The following CRYBG3 variants were observed in gnomAD, a reference collection of about 807,000 sequenced individuals.
CRYBG3 encodes the protein crystallin beta-gamma domain containing 3, also known as very large A-kinase anchor protein.
Under a neutral mutation model 244.2 loss-of-function variants are expected in CRYBG3, and 127 were observed. The ratio of observed to expected loss-of-function variants is 0.52; its 90% CI spans 0.45 to 0.60. The LOEUF (loss-of-function observed/expected upper bound fraction) is 0.60. CRYBG3 is among the 20% of genes least tolerant of loss of function. The probability of loss-of-function intolerance (pLI) is 0.00; values close to 1 mark genes in which losing one functional copy is unlikely to be tolerated. For synonymous variants in CRYBG3, 1,132 were observed against 1,195.8 expected, an observed-to-expected ratio of 0.95 and a Z score of 1.10; for missense variants, 3,325 against 3,442.5, an observed-to-expected ratio of 0.97 and a Z score of 0.85.
intron 1 of CRYBG3, among the ~76,000 whole-genome samples, chr3:97,826,325 GTTGCAAAGGTACCACAAA>G (rs2038575884): frequency 6.6e-6 from 1 of 152,154 alleles, no homozygotes; most frequent in African/African-American, 2.4e-5. Flanking sequence ...AAGTGTTAAA[GTTGCAAAGGTACCACAAA>G]TTGACCTGCA....
rs772572772 is a variant in CRYBG3 at position 97,915,772 on chromosome 3, T to G, written c.8241+36T>G. ...TGCAAAATGCATACTTATAAGATTC[T>G]TTTTCTTGTCCAGTTTAATTACCAC... On this transcript the variant is annotated intron_variant, in intron 17 of 21. Coordinates refer to ENST00000389622, the MANE Select transcript of CRYBG3 (RefSeq NM_153605.4). The G allele has an allele frequency of 3.3e-6, 5 of 1,531,368 alleles. No individual in the cohort carries two copies. The African/African-American group carries it at 6.8e-5, about 21-fold the overall frequency. 94.9% of individuals were successfully genotyped at this position (1,531,368 alleles called of 1,614,324 possible).
chr3:97,862,800 T>C (rs1034263227), intron 2 of CRYBG3, among the ~76,000 whole-genome samples: 3 of 152,060 alleles, frequency 2.0e-5, no homozygotes, highest in African/African-American at 7.2e-5. Context: ...ACATTCTAAA[T>C]GTAGAGGCTC....
chr3:97,841,397 T>C (rs2108169318), intron 1 of CRYBG3, among the ~76,000 whole-genome samples: 2 of 151,990 alleles, frequency 1.3e-5, no homozygotes, highest in South Asian at 4.1e-4. Flanking sequence ...AGGATCTGTT[T>C]AGCGGTATCC....
chr3:97,857,781 A>G (rs1179704700), intron 2 of CRYBG3, among the ~76,000 whole-genome samples: 5 of 152,000 alleles, frequency 3.3e-5, no homozygotes, highest in Non-Finnish European at 7.4e-5. Flanking sequence ...CGGCTAATCT[A>G]TATCTTTTCA....
At chr3:97,826,353 A>T (rs2038576467) in intron 1 of CRYBG3, among the ~76,000 whole-genome samples, 1 of 152,238 alleles carries the variant, frequency 6.6e-6, no homozygotes, top group Admixed American at 6.5e-5. Context: ...ATTGACCTGC[A>T]GTAAGTTTAT....
Position 97,908,121 on chromosome 3 carries a change from A to G in CRYBG3, c.8005-4046A>G, listed in dbSNP as rs970111154. Among the ~76,000 whole-genome samples, 90 of 152,048 alleles carry G rather than the reference A, an allele frequency of 5.9e-4. 1 individual carries two copies. Among genetic ancestry groups the G allele is most frequent in the Middle Eastern group, 6.3e-3 (2 of 316 alleles). Reference sequence around the variant, plus strand: ...ACTGTGGTCTGAGAGATAGTTTGTTATTATTTCTATTCTTTTACATTTGCT... The same window carrying G: ...ACTGTGGTCTGAGAGATAGTTTGTTGTTATTTCTATTCTTTTACATTTGCT... On this transcript the variant is annotated intron_variant, in intron 15 of 21. Transcript: ENST00000389622.
chr3:97,858,244 A>G (rs775829670), intron 2 of CRYBG3, among the ~76,000 whole-genome samples: 3 of 150,496 alleles, frequency 2.0e-5, no homozygotes, highest in Admixed American at 6.6e-5. Flanking sequence ...GCTAAGATAT[A>G]TGCTGTTATT....
intron 2 of CRYBG3, among the ~76,000 whole-genome samples, chr3:97,855,768 G>A (rs2039055242): frequency 1.3e-5 from 2 of 152,128 alleles, no homozygotes; most frequent in Non-Finnish European, 2.9e-5. Context: ...GCAAGTTTTT[G>A]TTAGGGTTTT....
chr3:97,895,565 T>G (rs1314917647), intron 11 of CRYBG3, among the ~76,000 whole-genome samples: 3 of 152,208 alleles, frequency 2.0e-5, no homozygotes, highest in African/African-American at 7.2e-5. Flanking sequence ...CCAGAATGGC[T>G]TAATTAGTAA....
chr3:97,873,620 C>T lies in CRYBG3; in HGVS notation c.2426C>T (p.Thr809Ile), dbSNP rs890707124. 5.2e-6 allele frequency: 8 copies of T among 1,534,324 alleles called. No homozygotes were observed. In the African/African-American group the frequency reaches 8.2e-5, roughly 16 times the overall value. ...KSDSLSLEAKTANIVSKAEID... is the reference protein window; with the variant it reads ...KSDSLSLEAKIANIVSKAEID... ...GATTCTCTTTCCTTGGAAGCCAAAA[C>T]TGCTAACATTGTATCAAAAGCTGAA... is the stretch of plus-strand genomic sequence containing the variant. The change falls in exon 4 of 22, where the codon ACT becomes ATT. Residue 809 changes from threonine (T) to isoleucine (I), a missense_variant. Thr to Ile is a moderately conservative substitution (Grantham distance 89). Around this residue, in one of 4 missense-constraint regions of CRYBG3, gnomAD observed 1,526 missense variants for 1,443.2 expected, o/e 1.06. Transcript: ENST00000389622.
At chr3:97,906,675 A>G (rs1376778854) in intron 15 of CRYBG3, among the ~76,000 whole-genome samples, 6 of 144,036 alleles carry the variant, frequency 4.2e-5, no homozygotes, top group Admixed American at 3.5e-4. Flanking sequence ...TAGATATACA[A>G]TCATGTCATC....
intron 2 of CRYBG3, among the ~76,000 whole-genome samples, chr3:97,859,285 G>A (rs2039111837): frequency 6.6e-6 from 1 of 152,170 alleles, no homozygotes; most frequent in South Asian, 2.1e-4. Context: ...TTTGGGTCCT[G>A]TGGTGAGGGT....
chr3:97,868,086 A>AT (rs1382337290), intron 3 of CRYBG3, among the ~76,000 whole-genome samples: 1 of 152,114 alleles, frequency 6.6e-6, no homozygotes, highest in Non-Finnish European at 1.5e-5. Flanking sequence ...GATCGAGACC[A>AT]TCCTGGCTAA....
At chr3:97,925,902 A>C (rs192537058) in intron 17 of CRYBG3, among the ~76,000 whole-genome samples, 5 of 152,186 alleles carry the variant, frequency 3.3e-5, no homozygotes, top group Admixed American at 2.0e-4. Context: ...ATCCATGTTG[A>C]AACTGACTTT....
intron 2 of CRYBG3, 76 bp downstream of exon 2, chr3:97,843,337 T>A (rs2038848634): frequency 2.5e-6 from 2 of 800,450 alleles, no homozygotes; most frequent in African/African-American, 1.7e-5. Flanking sequence ...GATTCTGTCA[T>A]CTTATTTTAC....
chr3:97,829,908 G>A (rs1477887176), intron 1 of CRYBG3, among the ~76,000 whole-genome samples: 2 of 152,180 alleles, frequency 1.3e-5, no homozygotes, highest in Non-Finnish European at 1.5e-5. Context: ...GAGGCTCTCA[G>A]AGGAAACTTT....
chr3:97,919,645 G>T (rs565068088), intron 17 of CRYBG3, among the ~76,000 whole-genome samples: 20 of 151,582 alleles, frequency 1.3e-4, no homozygotes, highest in Admixed American at 8.6e-4. Context: ...AGTGTTTTGT[G>T]GGGGCTGAAA....
In CRYBG3 at chr3:97,905,657, T is replaced by C. The variant is rs1054878233; in HGVS notation, c.8004+5172T>C. Among the ~76,000 whole-genome samples, 8 of 150,196 alleles carry C rather than the reference T, an allele frequency of 5.3e-5. No individual in the cohort carries two copies. The South Asian group carries it at 6.4e-4, about 12-fold the overall frequency. On this transcript the variant is annotated intron_variant, in intron 15 of 21. Coordinates refer to ENST00000389622, the MANE Select transcript of CRYBG3 (RefSeq NM_153605.4). ...TTCTGGATATTAGCCCTTTGTCAGA[T>C]GAGTAGGTTGTGAAAATTTTCTCCC...
intron 1 of CRYBG3, 134 bp from the exon 2 acceptor site, chr3:97,843,061 C>T (rs1009067713): frequency 1.8e-6 from 1 of 546,296 alleles, no homozygotes; most frequent in Non-Finnish European, 3.2e-6. Context: ...TCAATATATC[C>T]TTGGTATAAC....
Sources: gnomAD v4.1 joint callset for allele counts (sites outside exome capture counted in the v4.1 genomes callset) on GRCh38, gnomAD v4.1.1 for gene constraint, gnomAD v4.1.1 regional missense constraint, MANE v1.5 for transcripts, NCBI Gene and HGNC (gene_info 2026-07-23, HGNC 2026-07-21) for gene names.